EFR3B: variants seen among roughly 807,000 people sequenced by gnomAD.
EFR3B encodes the protein EFR3 homolog B, also known as protein EFR3 homolog B.
EFR3B carries 64 observed loss-of-function variants against 104.7 expected under a neutral mutation model. The ratio of observed to expected loss-of-function variants is 0.61; its 90% CI spans 0.50 to 0.75. The LOEUF (loss-of-function observed/expected upper bound fraction) is 0.75. EFR3B is among the 30% of genes least tolerant of loss of function. The probability of loss-of-function intolerance (pLI) is 0.00; values close to 1 mark genes in which losing one functional copy is unlikely to be tolerated. For missense variants in EFR3B, 750 were observed against 1,078.5 expected (o/e 0.70, Z 4.27); for synonymous variants, 385 against 417.9 (o/e 0.92, Z 0.96).
Position 25,137,636 on chromosome 2 carries a change from G to A in EFR3B, c.1722+134G>A, listed in dbSNP as rs1204545981. 4.0e-5 allele frequency: 52 copies of A among 1,298,460 alleles called. No individual in the cohort carries two copies. The East Asian group carries it at 1.3e-3, about 32-fold the overall frequency. 80.4% of individuals were successfully genotyped at this position (1,298,460 alleles called of 1,614,324 possible). ...GCCCAGGAATATTGTACTCGTGGTT[G>A]GCCACGCCTCCCTGAAGACCCCAAA... On this transcript the variant is annotated intron_variant, in intron 15 of 22. Coordinates refer to ENST00000403714, the MANE Select transcript of EFR3B (RefSeq NM_014971.2). The surrounding 1 kb of genome is among the most constrained non-coding windows in gnomAD (Gnocchi z 4.7).
At chr2:25,133,890 G>T (rs1196684115) in intron 12 of EFR3B, among the ~76,000 whole-genome samples, 1 of 152,028 alleles carries the variant, frequency 6.6e-6, no homozygotes, top group Non-Finnish European at 1.5e-5. Context: ...TTACATCTTT[G>T]CAGCCATCAC....
chr2:25,121,741 C>A lies in EFR3B; in HGVS notation c.432C>A (p.Ser144=). Residue 144 remains serine (S), a synonymous_variant, in exon 5 of 23, where the codon TCC becomes TCA. Coordinates refer to ENST00000403714, the MANE Select transcript of EFR3B (RefSeq NM_014971.2). ...ACCGGAGCTATGACTTCTTTGTGTCCCGATTCAGTGAAATGTGCCACTCGA... is the reference window on the plus strand; with the variant it reads ...ACCGGAGCTATGACTTCTTTGTGTCACGATTCAGTGAAATGTGCCACTCGA... ...SYHRSYDFFV[S]RFSEMCHSSH... is the part of the protein sequence containing the mutation. 6.4e-7 allele frequency: 1 copy of A among 1,551,686 alleles called. No individual in the cohort carries two copies. Among genetic ancestry groups the A allele is most frequent in the Middle Eastern group, 1.7e-4 (1 of 5,992 alleles).
At chr2:25,048,810 T>C (rs1349152375) in intron 1 of EFR3B, among the ~76,000 whole-genome samples, 1 of 152,176 alleles carries the variant, frequency 6.6e-6, no homozygotes, top group Non-Finnish European at 1.5e-5. Flanking sequence ...CCACTACCAG[T>C]CTCCACGTCT....
intron 1 of EFR3B, among the ~76,000 whole-genome samples, chr2:25,050,387 T>G (rs1331339857): frequency 6.6e-6 from 1 of 152,160 alleles, no homozygotes; most frequent in Non-Finnish European, 1.5e-5. Context: ...CACAAGTTTC[T>G]GTGCATATGC....
At chr2:25,067,699 T>A (rs958877469) in intron 1 of EFR3B, among the ~76,000 whole-genome samples, 5 of 152,180 alleles carry the variant, frequency 3.3e-5, no homozygotes, top group Non-Finnish European at 5.9e-5. Context: ...TCCTTTTGAA[T>A]TAACAGTATG....
chr2:25,043,825 C>G (rs924591423), intron 1 of EFR3B, among the ~76,000 whole-genome samples: 1 of 152,224 alleles, frequency 6.6e-6, no homozygotes, highest in African/African-American at 2.4e-5. Flanking sequence ...AGCTGCAGAT[C>G]ATTTGACAAA....
chr2:25,089,835 G>A (rs932027018), intron 1 of EFR3B, among the ~76,000 whole-genome samples: 2 of 152,092 alleles, frequency 1.3e-5, no homozygotes, highest in African/African-American at 4.8e-5. Context: ...GTGCTGGGGC[G>A]GGTGGAAGCT....
chr2:25,126,649 C>T (rs541217392), intron 5 of EFR3B, among the ~76,000 whole-genome samples: 38 of 151,882 alleles, frequency 2.5e-4, no homozygotes, highest in African/African-American at 8.7e-4. Context: ...CGTGAGTCAC[C>T]GCGCCCGGCC....
Position 25,121,272 on chromosome 2 carries a change from C to T in EFR3B, c.364-401C>T, listed in dbSNP as rs1049790751. On this transcript the variant is annotated intron_variant, in intron 4 of 22. Transcript: ENST00000403714. ...AATTTCAGATTTGTTCTTGTGTCCT[C>T]GAATTCATTGAGGGTGGTGCTCCTG... is the stretch of plus-strand genomic sequence containing the variant. Among the ~76,000 whole-genome samples, 9 of 152,294 alleles carry T rather than the reference C, an allele frequency of 5.9e-5. 1 individual carries two copies. The highest frequency in any genetic ancestry group is 7.3e-5 in the Non-Finnish European group (5 of 68,034).
Position 25,042,219 on chromosome 2 carries a change from C to T in EFR3B, c.-94C>T. On this transcript the variant is annotated 5_prime_UTR_variant, in exon 1 of 23. Transcript: ENST00000403714. This position sits in a 1 kb window ranked among gnomAD's most constrained non-coding sequence, Gnocchi z 5.4. ...GCCCCTGTCGGCCGCCGCCAGTCCC[C>T]GCCCCGACTGTGAATGAAAGGCGGG... is the stretch of plus-strand genomic sequence containing the variant. The T allele has an allele frequency of 1.6e-6, 2 of 1,247,778 alleles. No homozygotes were observed. Among genetic ancestry groups the T allele is most frequent in the Middle Eastern group, 3.1e-4 (1 of 3,272 alleles). 77.3% of individuals were successfully genotyped at this position (1,247,778 alleles called of 1,614,324 possible). A position where few individuals can be genotyped will look rare whatever the true frequency, so the allele number is the denominator to read the frequency against.
intron 12 of EFR3B, among the ~76,000 whole-genome samples, 154 bp downstream of exon 12, chr2:25,133,588 C>G (rs1558615799): frequency 6.6e-6 from 1 of 152,204 alleles, no homozygotes; most frequent in Non-Finnish European, 1.5e-5. Context: ...AGCCTACGTT[C>G]CACTCACTAG....
At chr2:25,151,512 TC>T (rs1395553948) in intron 20 of EFR3B, among the ~76,000 whole-genome samples, 31 of 152,164 alleles carry the variant, frequency 2.0e-4, no homozygotes, top group African/African-American at 7.5e-4. Flanking sequence ...TGCCTCGGCC[TC>T]CCAAAATGCT....
chr2:25,154,378 G>A lies in EFR3B; in HGVS notation c.*38G>A. The A allele has an allele frequency of 6.5e-7, 1 of 1,531,454 alleles. No individual in the cohort carries two copies. Among genetic ancestry groups the A allele is most frequent in the South Asian group, 1.2e-5 (1 of 83,572 alleles). 94.9% of individuals were successfully genotyped at this position (1,531,454 alleles called of 1,614,324 possible). On this transcript the variant is annotated 3_prime_UTR_variant, in exon 23 of 23. Coordinates refer to ENST00000403714, the MANE Select transcript of EFR3B (RefSeq NM_014971.2). This position sits in a 1 kb window ranked among gnomAD's most constrained non-coding sequence, Gnocchi z 4.1. ...TGAGCTCCTCAAGGAGATGGGGTCTGAGGAGGGGCTCACCTCACGCCCACC... is the reference window on the plus strand; with the variant it reads ...TGAGCTCCTCAAGGAGATGGGGTCTAAGGAGGGGCTCACCTCACGCCCACC...
In EFR3B at chr2:25,114,049, C is replaced by T. The variant is rs188892397; in HGVS notation, c.364-7624C>T. On this transcript the variant is annotated intron_variant, in intron 4 of 22. Coordinates refer to ENST00000403714, the MANE Select transcript of EFR3B (RefSeq NM_014971.2). The surrounding 1 kb of genome is among the most constrained non-coding windows in gnomAD (Gnocchi z 4.0). ...TCTTTAAGAGGGAAAAGGGCTTACT[C>T]GCTCTAAAACCGGAGAGTCCCAACC... is the stretch of plus-strand genomic sequence containing the variant. Among the ~76,000 whole-genome samples, 49 of 152,286 alleles carry T rather than the reference C, an allele frequency of 3.2e-4. No individual in the cohort carries two copies. The highest frequency in any genetic ancestry group is 5.9e-5 in the Non-Finnish European group (4 of 68,024).
rs926667623 is a variant in EFR3B, at chr2:25,042,254, G to A, written c.-59G>A. ...GTGAATGAAAGGCGGGCGCCGCCGA[G>A]GGCTGGCTGGGAACGCCGCAGCGAC... On this transcript the variant is annotated 5_prime_UTR_variant, in exon 1 of 23. Coordinates refer to ENST00000403714, the MANE Select transcript of EFR3B (RefSeq NM_014971.2). This position sits in a 1 kb window ranked among gnomAD's most constrained non-coding sequence, Gnocchi z 5.4. 91 of 1,307,150 alleles carry A rather than the reference G, an allele frequency of 7.0e-5. No homozygotes were observed. The highest frequency in any genetic ancestry group is 2.1e-5 in the Non-Finnish European group (22 of 1,028,058). The allele number at this position is 1,307,150 out of a possible 1,614,324, so 81.0% of individuals were successfully genotyped here.
chr2:25,060,165 C>T (rs541784202), intron 1 of EFR3B, among the ~76,000 whole-genome samples: 1 of 152,228 alleles, frequency 6.6e-6, no homozygotes, highest in South Asian at 2.1e-4. Flanking sequence ...CATTGCACTC[C>T]AGCCTGGGTG....
chr2:25,068,755 G>GAGT (rs1558588530), intron 1 of EFR3B, among the ~76,000 whole-genome samples: 1 of 147,160 alleles, frequency 6.8e-6, no homozygotes, highest in Non-Finnish European at 1.5e-5. Context: ...TTAGCCTCCA[G>GAGT]AGTAGCTGGA....
chr2:25,078,216 A>T (rs1668689832), intron 1 of EFR3B, among the ~76,000 whole-genome samples: 1 of 152,196 alleles, frequency 6.6e-6, no homozygotes, highest in African/African-American at 2.4e-5. Context: ...ATGTCAGTGA[A>T]CACAAGTGCC....
At position 25,131,311 on chromosome 2, in the gene EFR3B, G is replaced by A. The variant is rs573602032; in HGVS notation, c.850-57G>A. ...CCTTTGGGTGCCAGGAGAGGGCTGCGCAGCCCAGGGACCCCGTGGGGTTGC... is the reference window on the plus strand; with the variant it reads ...CCTTTGGGTGCCAGGAGAGGGCTGCACAGCCCAGGGACCCCGTGGGGTTGC... On this transcript the variant is annotated intron_variant, in intron 8 of 22. Coordinates refer to ENST00000403714, the MANE Select transcript of EFR3B (RefSeq NM_014971.2). The surrounding 1 kb of genome is among the most constrained non-coding windows in gnomAD (Gnocchi z 7.6). The A allele has an allele frequency of 3.9e-6, 6 of 1,532,306 alleles. No homozygotes were observed. In the African/African-American group the frequency reaches 5.5e-5, roughly 14 times the overall value. 94.9% of individuals were successfully genotyped at this position (1,532,306 alleles called of 1,614,324 possible). A position where few individuals can be genotyped will look rare whatever the true frequency, so the allele number is the denominator to read the frequency against.
Sources: gnomAD v4.1 joint callset for allele counts (sites outside exome capture counted in the v4.1 genomes callset) on GRCh38, gnomAD v4.1.1 for gene constraint, Gnocchi (gnomAD v3.1) non-coding constraint, MANE v1.5 for transcripts, NCBI Gene and HGNC (gene_info 2026-07-23, HGNC 2026-07-21) for gene names.